Variants in ZNF385D observed in about 807,000 individuals in gnomAD.
The protein encoded by ZNF385D is zinc finger protein 385D.
Under a neutral mutation model 35.8 loss-of-function variants are expected in ZNF385D, and 15 were observed. The observed-to-expected ratio is 0.42, with a 90% CI of 0.28 to 0.64. The LOEUF (loss-of-function observed/expected upper bound fraction) is 0.64, where lower values mean the gene tolerates loss of function less well. ZNF385D is among the 30% of genes least tolerant of loss of function. The probability of loss-of-function intolerance (pLI) is 0.23; values close to 1 mark genes in which losing one functional copy is unlikely to be tolerated. For missense variants in ZNF385D, 474 were observed against 494.6 expected (o/e 0.96, Z 0.39); for synonymous variants, 212 against 186.8 (o/e 1.13, Z -1.10).
At chr3:22,094,168 C>T (rs58109498) in intron 3 of ZNF385D, among the ~76,000 whole-genome samples, 53,091 of 151,214 alleles carry the variant, frequency 0.35, 10,062 homozygotes, top group Non-Finnish European at 0.41. Context: ...TTCTAATTTT[C>T]CTTTCTACCA....
At chr3:21,478,182 A>G (rs1253722749) in intron 4 of ZNF385D, among the ~76,000 whole-genome samples, 1 of 152,176 alleles carries the variant, frequency 6.6e-6, no homozygotes, top group Non-Finnish European at 1.5e-5. Flanking sequence ...AGCAAAACCT[A>G]GCACATAATA....
chr3:21,717,495 T>C (rs985509098), intron 1 of ZNF385D, among the ~76,000 whole-genome samples: 4 of 152,184 alleles, frequency 2.6e-5, no homozygotes, highest in African/African-American at 4.8e-5. Context: ...CTTGCCAAAA[T>C]ACAAAGCCTC....
chr3:22,147,380 G>T (rs1704928622), intron 3 of ZNF385D, among the ~76,000 whole-genome samples: 1 of 152,134 alleles, frequency 6.6e-6, no homozygotes, highest in Admixed American at 6.5e-5. Flanking sequence ...TTCGGGCCAT[G>T]GGAATTGGCC....
intron 2 of ZNF385D, among the ~76,000 whole-genome samples, chr3:22,261,533 C>A (rs1171585210): frequency 6.6e-6 from 1 of 151,922 alleles, no homozygotes; most frequent in Non-Finnish European, 1.5e-5. Flanking sequence ...TTTGCCCCTT[C>A]AAAACCACTC....
intron 1 of ZNF385D, among the ~76,000 whole-genome samples, chr3:21,707,035 C>T (rs1202690678): frequency 6.6e-6 from 1 of 152,096 alleles, no homozygotes; most frequent in East Asian, 1.9e-4. Context: ...CTTTCAGTAG[C>T]TTACCTTTAA....
intron 3 of ZNF385D, among the ~76,000 whole-genome samples, chr3:21,832,546 G>T (rs1253890763): frequency 6.6e-6 from 1 of 152,126 alleles, no homozygotes; most frequent in Non-Finnish European, 1.5e-5. Flanking sequence ...CCTTTTCTAG[G>T]AACATCTCCC....
chr3:22,329,076 C>CAAAAAAAA (rs776193960), intron 2 of ZNF385D, among the ~76,000 whole-genome samples: 1 of 74,900 alleles, frequency 1.3e-5, no homozygotes, highest in African/African-American at 5.3e-5. Flanking sequence ...GACTCCGTCT[C>CAAAAAAAA]AAAAAAAAAA....
chr3:22,050,523 T>TTTATTGGTC (rs1338993048), intron 3 of ZNF385D, among the ~76,000 whole-genome samples: 1 of 152,224 alleles, frequency 6.6e-6, no homozygotes, highest in African/African-American at 2.4e-5. Context: ...TTGGTTGTTC[T>TTTATTGGTC]TTATTGGTCT....
At chr3:22,066,891 A>C (rs922467653) in intron 3 of ZNF385D, among the ~76,000 whole-genome samples, 4 of 152,310 alleles carry the variant, frequency 2.6e-5, no homozygotes, top group African/African-American at 9.6e-5. Context: ...CCTACGCTGA[A>C]TGCTTCATCA....
At chr3:21,980,293 C>T (rs1334594142) in intron 3 of ZNF385D, among the ~76,000 whole-genome samples, 3 of 152,056 alleles carry the variant, frequency 2.0e-5, no homozygotes, top group Admixed American at 6.6e-5. Flanking sequence ...CACAAGAAAC[C>T]GTGAACTAGA....
At chr3:21,972,410 A>G (rs972090357) in intron 3 of ZNF385D, among the ~76,000 whole-genome samples, 1 of 151,966 alleles carries the variant, frequency 6.6e-6, no homozygotes, top group Non-Finnish European at 1.5e-5. Context: ...ACAACATACA[A>G]AAACTTACGG....
chr3:21,934,338 C>T (rs1297268270), intron 3 of ZNF385D, among the ~76,000 whole-genome samples: 1 of 152,102 alleles, frequency 6.6e-6, no homozygotes, highest in African/African-American at 2.4e-5. Flanking sequence ...ATGCTCTATG[C>T]TTTTATGTAA....
intron 1 of ZNF385D, among the ~76,000 whole-genome samples, chr3:21,696,994 A>G (rs899107860): frequency 6.6e-6 from 1 of 152,204 alleles, no homozygotes; most frequent in Non-Finnish European, 1.5e-5. Flanking sequence ...AACAGTTTAT[A>G]TATCATTCTC....
chr3:22,257,084 C>G (rs188493521), intron 2 of ZNF385D, among the ~76,000 whole-genome samples: 1 of 151,868 alleles, frequency 6.6e-6, no homozygotes, highest in Admixed American at 6.6e-5. Flanking sequence ...CAAGATCATA[C>G]AGAAGGCTGA....
At chr3:22,139,311 T>A (rs556158398) in intron 3 of ZNF385D, among the ~76,000 whole-genome samples, 174 of 152,316 alleles carry the variant, frequency 1.1e-3, no homozygotes, top group Admixed American at 4.9e-3. Context: ...AAGACACATG[T>A]ACACATATGT....
rs575918788 is a variant in ZNF385D, at chr3:21,580,400, A to T, written c.166-15716T>A. On this transcript the variant is annotated intron_variant, in intron 2 of 7. Transcript: ENST00000281523. ...AAACAATAGATATTTTTGAAATGTC[A>T]CAAAATTAAAGTTACGAAGTCTATA... 7.2e-5 allele frequency among the ~76,000 whole-genome samples: 11 copies of T among 152,346 alleles called. No individual in the cohort carries two copies. In the South Asian group the frequency reaches 2.3e-3, roughly 32 times the overall value.
At chr3:21,903,078 C>T (rs1411638525) in intron 3 of ZNF385D, among the ~76,000 whole-genome samples, 2 of 152,124 alleles carry the variant, frequency 1.3e-5, no homozygotes, top group Non-Finnish European at 2.9e-5. Context: ...GCTAGCTTTG[C>T]AACCCCATAC....
chr3:21,886,690 A>G (rs969524106), intron 3 of ZNF385D, among the ~76,000 whole-genome samples: 4 of 152,170 alleles, frequency 2.6e-5, no homozygotes, highest in South Asian at 2.1e-4. Flanking sequence ...GCTGATATAT[A>G]TTTATGTGAT....
chr3:21,779,367 AATATAT>A (rs56151542), intron 3 of ZNF385D, among the ~76,000 whole-genome samples: 1 of 151,318 alleles, frequency 6.6e-6, no homozygotes, highest in African/African-American at 2.4e-5. Flanking sequence ...GTGGAAAGAT[AATATAT>A]ATATATATAC....
Sources: gnomAD v4.1 joint callset for allele counts (sites outside exome capture counted in the v4.1 genomes callset) on GRCh38, gnomAD v4.1.1 for gene constraint, MANE v1.5 for transcripts, NCBI Gene and HGNC (gene_info 2026-07-23, HGNC 2026-07-21) for gene names.